ADAMTS20: variants seen among roughly 807,000 people sequenced by gnomAD.
ADAMTS20 encodes the protein A disintegrin and metalloproteinase with thrombospondin motifs 20.
ADAMTS20 carries 225 observed loss-of-function variants against 260.1 expected under a neutral mutation model. That is an observed-to-expected ratio of 0.87 (90% CI 0.78 to 0.97). The LOEUF (loss-of-function observed/expected upper bound fraction) is 0.97, where lower values mean the gene tolerates loss of function less well. Among genes scored for constraint, ADAMTS20 ranks in the 50% least tolerant of loss-of-function variants. The pLI is 0.00. For synonymous variants in ADAMTS20, 802 were observed against 769.5 expected (o/e 1.04, Z -0.70); for missense variants, 2,400 against 2,337.7 (o/e 1.03, Z -0.55).
At chr12:43,435,084 T>G (rs1941524914) in intron 18 of ADAMTS20, among the ~76,000 whole-genome samples, 1 of 152,232 alleles carries the variant, frequency 6.6e-6, no homozygotes, top group Non-Finnish European at 1.5e-5. Context: ...CTATGTATGA[T>G]ATTATATTGG....
At chr12:43,534,933 G>A (rs1470691498) in intron 2 of ADAMTS20, among the ~76,000 whole-genome samples, 2 of 151,992 alleles carry the variant, frequency 1.3e-5, no homozygotes, top group African/African-American at 2.4e-5. Flanking sequence ...TACCTAAAAT[G>A]TTTCCCTGCT....
At chr12:43,472,122 A>G (rs1380174021) in intron 7 of ADAMTS20, among the ~76,000 whole-genome samples, 1 of 147,628 alleles carries the variant, frequency 6.8e-6, no homozygotes, top group South Asian at 2.2e-4. Context: ...TAGAATAACC[A>G]ATACAGAGAA....
intron 2 of ADAMTS20, among the ~76,000 whole-genome samples, chr12:43,547,040 C>T (rs1005156148): frequency 6.6e-6 from 1 of 151,900 alleles, no homozygotes; most frequent in Non-Finnish European, 1.5e-5. Flanking sequence ...AACATAAATA[C>T]CAAAACTTCT....
chr12:43,356,412 G>T, intron 38 of ADAMTS20, 72 bp downstream of exon 38: 1 of 942,906 alleles, frequency 1.1e-6, no homozygotes, highest in Non-Finnish European at 1.6e-6. Flanking sequence ...TACATTTTAG[G>T]TAGAGAACCT....
intron 9 of ADAMTS20, among the ~76,000 whole-genome samples, chr12:43,465,887 C>T (rs902175687): frequency 3.3e-5 from 5 of 151,810 alleles, no homozygotes; most frequent in Non-Finnish European, 7.4e-5. Flanking sequence ...TATTTTTCCC[C>T]ATAGGTTTCA....
chr12:43,369,244 ATT>A (rs1240410932), intron 37 of ADAMTS20, 44 bp downstream of exon 37: 1 of 1,243,140 alleles, frequency 8.0e-7, no homozygotes, highest in Admixed American at 3.5e-5. Context: ...AGAAGCTATA[ATT>A]TTTTTCACAA....
At chr12:43,371,022 T>C (rs1940096428) in intron 36 of ADAMTS20, among the ~76,000 whole-genome samples, 1 of 152,204 alleles carries the variant, frequency 6.6e-6, no homozygotes, top group Non-Finnish European at 1.5e-5. Context: ...TTTATTCCAA[T>C]GGTTCCTATA....
At chr12:43,469,576 A>G (rs533747760) in intron 7 of ADAMTS20, among the ~76,000 whole-genome samples, 36 of 152,154 alleles carry the variant, frequency 2.4e-4, no homozygotes, top group South Asian at 8.3e-4. Context: ...TTACCCTTCA[A>G]TTTGGTTGTA....
intron 7 of ADAMTS20, among the ~76,000 whole-genome samples, chr12:43,490,062 C>T (rs1324369145): frequency 5.3e-5 from 8 of 151,918 alleles, no homozygotes; most frequent in Admixed American, 5.2e-4. Flanking sequence ...GAGCATAGAC[C>T]AAGCAATAGT....
chr12:43,435,590 G>A (rs541501724), intron 18 of ADAMTS20, among the ~76,000 whole-genome samples: 10 of 142,518 alleles, frequency 7.0e-5, no homozygotes, highest in African/African-American at 1.6e-4. Context: ...GCAGTGAGCC[G>A]AGATCGCACC....
At chr12:43,524,660 G>T (rs943821580) in intron 3 of ADAMTS20, among the ~76,000 whole-genome samples, 1 of 152,044 alleles carries the variant, frequency 6.6e-6, no homozygotes, top group Non-Finnish European at 1.5e-5. Context: ...AGATATCAAA[G>T]AAAAATCAAT....
At chr12:43,472,848 G>A (rs1942288739) in intron 7 of ADAMTS20, among the ~76,000 whole-genome samples, 3 of 149,550 alleles carry the variant, frequency 2.0e-5, no homozygotes, top group Non-Finnish European at 3.0e-5. Flanking sequence ...GCTAAACATG[G>A]AAAGGAACAA....
In ADAMTS20 at chr12:43,362,654, T is replaced by C. The variant is rs77207344; in HGVS notation, c.5539-6066A>G. Reference sequence around the variant, plus strand: ...AAGTCTCTGAAATTTGTTCTATGGTTATACGGAAAAGGGAGAAACATTTAT... The same window carrying C: ...AAGTCTCTGAAATTTGTTCTATGGTCATACGGAAAAGGGAGAAACATTTAT... On this transcript the variant is annotated intron_variant, in intron 37 of 38. Coordinates refer to ENST00000389420, the MANE Select transcript of ADAMTS20 (RefSeq NM_025003.5). Among the ~76,000 whole-genome samples, 1,231 of 152,170 alleles carry C rather than the reference T, an allele frequency of 8.1e-3. 17 individuals carry two copies. The highest frequency in any genetic ancestry group is 0.028 in the African/African-American group (1,160 of 41,522).
intron 29 of ADAMTS20, among the ~76,000 whole-genome samples, chr12:43,394,531 TATA>T (rs1940660904): frequency 1.3e-5 from 2 of 152,204 alleles, no homozygotes; most frequent in Admixed American, 6.5e-5. Context: ...AATCTATATA[TATA>T]ATATTTCACA....
Position 43,468,071 on chromosome 12 carries a change from G to C in ADAMTS20, c.1223+529C>G, listed in dbSNP as rs573816188. Reference sequence around the variant, plus strand: ...ACACAGAACCCCAGCATATTTTTCAGTAATACAGGAAAAGGTAAGAGAATC... The same window carrying C: ...ACACAGAACCCCAGCATATTTTTCACTAATACAGGAAAAGGTAAGAGAATC... On this transcript the variant is annotated intron_variant, in intron 8 of 38. Coordinates refer to ENST00000389420, the MANE Select transcript of ADAMTS20 (RefSeq NM_025003.5). 6.2e-4 allele frequency among the ~76,000 whole-genome samples: 94 copies of C among 152,202 alleles called. 1 individual carries two copies. Among genetic ancestry groups the C allele is most frequent in the African/African-American group, 2.2e-3 (92 of 41,530 alleles).
rs373623480 is a variant in ADAMTS20, at chr12:43,426,723, T to C, written c.4107+585A>G. Among the ~76,000 whole-genome samples the C allele has an allele frequency of 1.8e-4, 28 of 152,360 alleles. 1 individual carries two copies. In the East Asian group the frequency reaches 4.4e-3, roughly 24 times the overall value. On this transcript the variant is annotated intron_variant, in intron 27 of 38. Transcript: ENST00000389420. ...ATTAAACATGTTTTATATTTTATTC[T>C]AGTTTTCTATTTTTATATCAACCTA... is the stretch of plus-strand genomic sequence containing the variant.
intron 4 of ADAMTS20, among the ~76,000 whole-genome samples, chr12:43,501,461 ACGCGCGCGCGCGCG>A (rs3036316): frequency 1.5e-3 from 196 of 131,234 alleles, no homozygotes; most frequent in African/African-American, 5.1e-3. Context: ...GGAGGGGGAT[ACGCGCGCGCGCGCG>A]CGCGCGCACA....
At position 43,400,745 on chromosome 12, in the gene ADAMTS20, A is replaced by G. The variant is rs561184096; in HGVS notation, c.4285-1512T>C. Among the ~76,000 whole-genome samples the G allele has an allele frequency of 6.4e-4, 98 of 152,100 alleles. 2 individuals carry two copies. The highest frequency in any genetic ancestry group is 2.2e-3 in the African/African-American group (92 of 41,556). On this transcript the variant is annotated intron_variant, in intron 28 of 38. Transcript: ENST00000389420. ...AAAATTCAAATATTATTGAGTATCA[A>G]GTATATACCATGGAGTGTGCTGACT...
At chr12:43,373,512 A>G (rs533305051) in intron 36 of ADAMTS20, among the ~76,000 whole-genome samples, 10 of 152,098 alleles carry the variant, frequency 6.6e-5, no homozygotes, top group Non-Finnish European at 1.3e-4. Flanking sequence ...GAGCTAAAAA[A>G]GTCACAAAAA....
Sources: gnomAD v4.1 joint callset for allele counts (sites outside exome capture counted in the v4.1 genomes callset) on GRCh38, gnomAD v4.1.1 for gene constraint, MANE v1.5 for transcripts, NCBI Gene and HGNC (gene_info 2026-07-23, HGNC 2026-07-21) for gene names.